TMEM135: variants seen among roughly 807,000 people sequenced by gnomAD.
TMEM135 encodes the protein peroxisomal membrane protein 52.
Under a neutral mutation model 60.3 loss-of-function variants are expected in TMEM135, and 30 were observed. That is an observed-to-expected ratio of 0.50 (90% confidence interval 0.37 to 0.68). TMEM135 has a LOEUF of 0.68. Ranked by LOEUF, TMEM135 falls within the 30% of genes least tolerant of loss-of-function variation. The probability of loss-of-function intolerance (pLI) is 0.00; values close to 1 mark genes in which losing one functional copy is unlikely to be tolerated. For synonymous variants in TMEM135, 190 were observed against 186.7 expected, an observed-to-expected ratio of 1.02 and a Z score of -0.14; for missense variants, 468 against 548.8, an observed-to-expected ratio of 0.85 and a Z score of 1.47.
chr11:87,206,871 T>A (rs933898506), intron 5 of TMEM135, among the ~76,000 whole-genome samples: 8 of 152,288 alleles, frequency 5.3e-5, no homozygotes, highest in African/African-American at 1.9e-4. Context: ...GAGGCTTTAT[T>A]TTTAACATGT....
At chr11:87,130,596 T>G (rs897321111) in intron 4 of TMEM135, among the ~76,000 whole-genome samples, 2 of 152,198 alleles carry the variant, frequency 1.3e-5, no homozygotes, top group East Asian at 3.8e-4. Flanking sequence ...ATCGCTATCA[T>G]TATCAATGAC....
At chr11:87,111,746 T>C (rs561058940) in intron 4 of TMEM135, among the ~76,000 whole-genome samples, 1 of 152,084 alleles carries the variant, frequency 6.6e-6, no homozygotes, top group South Asian at 2.1e-4. Context: ...AAATATAGCT[T>C]GTGTTTGTTT....
At chr11:87,249,842 G>T (rs1408815010) in intron 6 of TMEM135, among the ~76,000 whole-genome samples, 1 of 152,100 alleles carries the variant, frequency 6.6e-6, no homozygotes, top group Non-Finnish European at 1.5e-5. Context: ...GAGTTTGGAA[G>T]TATTCTTTTC....
At chr11:87,218,961 C>CA (rs560162060) in intron 5 of TMEM135, among the ~76,000 whole-genome samples, 239 of 151,830 alleles carry the variant, frequency 1.6e-3, no homozygotes, top group African/African-American at 5.7e-3. Flanking sequence ...GACTCTGTCT[C>CA]AAAAAACTGT....
chr11:87,120,890 A>G (rs1216055269), intron 4 of TMEM135, among the ~76,000 whole-genome samples: 1 of 152,198 alleles, frequency 6.6e-6, no homozygotes, highest in East Asian at 1.9e-4. Flanking sequence ...AATTTTCAAG[A>G]TAATGTTAAT....
intron 4 of TMEM135, chr11:87,096,228 T>G (rs1857326134): frequency 3.4e-6 from 1 of 292,150 alleles, no homozygotes; most frequent in Non-Finnish European, 6.9e-6. Context: ...CTTATTGATG[T>G]CTGCAGATAC....
chr11:87,195,946 A>G (rs932943900), intron 5 of TMEM135, among the ~76,000 whole-genome samples: 10 of 152,192 alleles, frequency 6.6e-5, no homozygotes, highest in African/African-American at 2.4e-4. Context: ...CTTGTATGGA[A>G]TGATACCATT....
chr11:87,224,590 A>T (rs935712940), intron 5 of TMEM135, among the ~76,000 whole-genome samples: 15 of 152,102 alleles, frequency 9.9e-5, no homozygotes, highest in African/African-American at 3.6e-4. Flanking sequence ...CACCCTTTGG[A>T]TGAAAATACT....
rs555437247 is a variant in TMEM135 at position 87,128,218 on chromosome 11, C to A, written c.397-29123C>A. 2.6e-5 allele frequency among the ~76,000 whole-genome samples: 4 copies of A among 152,180 alleles called. No homozygotes were observed. In the South Asian group the frequency reaches 6.2e-4, roughly 24 times the overall value. ...CTACAGCCCTTCTATACCTTGATGACCCCCTTTTTCCTAGTCTTAATTGTG... is the reference window on the plus strand; with the variant it reads ...CTACAGCCCTTCTATACCTTGATGAACCCCTTTTTCCTAGTCTTAATTGTG... On this transcript the variant is annotated intron_variant, in intron 4 of 14. Coordinates refer to ENST00000305494, the MANE Select transcript of TMEM135 (RefSeq NM_022918.4).
At chr11:87,158,440 A>G (rs1938765087) in intron 5 of TMEM135, among the ~76,000 whole-genome samples, 1 of 150,960 alleles carries the variant, frequency 6.6e-6, no homozygotes, top group Admixed American at 6.6e-5. Flanking sequence ...ATTTAATTAT[A>G]TATTTGCAAA....
At chr11:87,173,226 A>G (rs947987401) in intron 5 of TMEM135, among the ~76,000 whole-genome samples, 1 of 152,188 alleles carries the variant, frequency 6.6e-6, no homozygotes, top group African/African-American at 2.4e-5. Flanking sequence ...AATCTCTGAG[A>G]CTGATGCCTA....
intron 5 of TMEM135, among the ~76,000 whole-genome samples, chr11:87,193,886 C>T (rs1939873994): frequency 6.6e-6 from 1 of 151,580 alleles, no homozygotes; most frequent in South Asian, 2.1e-4. Context: ...ATACACAATA[C>T]ATTTATTTAA....
chr11:87,141,743 T>TATTAGAA (rs1938268156), intron 4 of TMEM135, among the ~76,000 whole-genome samples: 1 of 152,126 alleles, frequency 6.6e-6, no homozygotes, highest in Non-Finnish European at 1.5e-5. Flanking sequence ...TAGCAGTGTC[T>TATTAGAA]ACCCTGCAGA....
At chr11:87,081,921 C>T (rs1857000547) in intron 3 of TMEM135, among the ~76,000 whole-genome samples, 1 of 152,076 alleles carries the variant, frequency 6.6e-6, no homozygotes, top group African/African-American at 2.4e-5. Context: ...ATTGATCCTT[C>T]CCTTGATCTC....
intron 5 of TMEM135, among the ~76,000 whole-genome samples, 200 bp from the exon 6 acceptor site, chr11:87,236,437 TG>T (rs1444028969): frequency 6.6e-6 from 1 of 151,982 alleles, no homozygotes; most frequent in African/African-American, 2.4e-5. Flanking sequence ...AAAGCTGTCT[TG>T]GGGCTCATGC....
chr11:87,231,081 C>T lies in TMEM135; in HGVS notation c.463-5557C>T, dbSNP rs1940879028. On this transcript the variant is annotated intron_variant, in intron 5 of 14. Coordinates refer to ENST00000305494, the MANE Select transcript of TMEM135 (RefSeq NM_022918.4). ...CAAATGTGCTCTACAGTTACCCAAG[C>T]TTACTGTCTAGAGAGAATTTCCAGG... 2.0e-5 allele frequency among the ~76,000 whole-genome samples: 3 copies of T among 152,074 alleles called. No homozygotes were observed. The South Asian group carries it at 6.2e-4, about 32-fold the overall frequency.
intron 12 of TMEM135, among the ~76,000 whole-genome samples, chr11:87,315,998 T>C (rs1355102172): frequency 6.6e-6 from 1 of 151,968 alleles, no homozygotes; most frequent in Admixed American, 6.6e-5. Context: ...GGACATTTTC[T>C]GCCTCAGATG....
chr11:87,147,157 AC>A (rs1486264815), intron 4 of TMEM135, among the ~76,000 whole-genome samples: 2 of 152,122 alleles, frequency 1.3e-5, no homozygotes, highest in African/African-American at 4.8e-5. Flanking sequence ...CCCCGTCTCT[AC>A]TAAAAAATGC....
chr11:87,270,860 A>G (rs534339897), intron 6 of TMEM135, among the ~76,000 whole-genome samples: 5 of 152,334 alleles, frequency 3.3e-5, no homozygotes, highest in African/African-American at 1.2e-4. Flanking sequence ...TTTTACAAAA[A>G]TCATAATGCA....
Sources: gnomAD v4.1 joint callset for allele counts (sites outside exome capture counted in the v4.1 genomes callset) on GRCh38, gnomAD v4.1.1 for gene constraint, MANE v1.5 for transcripts, NCBI Gene and HGNC (gene_info 2026-07-23, HGNC 2026-07-21) for gene names.